VAV3: variants seen among roughly 807,000 people sequenced by gnomAD.
VAV3 encodes vav guanine nucleotide exchange factor 3, also known as guanine nucleotide exchange factor VAV3.
In VAV3, 94 loss-of-function variants were observed where a neutral mutation model predicts 131.2. The observed-to-expected ratio is 0.72, with a 90% CI of 0.61 to 0.85. VAV3 has a LOEUF of 0.85. Ranked by LOEUF, VAV3 falls within the 40% of genes least tolerant of loss-of-function variation. VAV3 has a pLI of 0.00. For missense variants in VAV3, 939 were observed against 1,002.7 expected, an observed-to-expected ratio of 0.94 and a Z score of 0.86; for synonymous variants, 349 against 342.0, an observed-to-expected ratio of 1.02 and a Z score of -0.22.
intron 12 of VAV3, among the ~76,000 whole-genome samples, chr1:107,753,478 G>A (rs1037455042): frequency 8.3e-5 from 7 of 84,634 alleles, no homozygotes; most frequent in African/African-American, 3.1e-4. Flanking sequence ...GTATGTATGT[G>A]TGTGTGTATA....
chr1:107,744,602 A>G (rs1372592424), intron 15 of VAV3, among the ~76,000 whole-genome samples: 1 of 152,206 alleles, frequency 6.6e-6, no homozygotes, highest in South Asian at 2.1e-4. Context: ...AAAAACAAAC[A>G]AACATTTTTT....
chr1:107,678,523 T>C (rs963015058), intron 19 of VAV3, among the ~76,000 whole-genome samples: 3 of 152,180 alleles, frequency 2.0e-5, no homozygotes, highest in Non-Finnish European at 4.4e-5. Context: ...ACTCTGTTGT[T>C]ATTTTTCTCA....
At chr1:107,935,246 A>T (rs936595473) in intron 1 of VAV3, among the ~76,000 whole-genome samples, 28 of 152,248 alleles carry the variant, frequency 1.8e-4, no homozygotes, top group Admixed American at 5.2e-4. Context: ...AAAGCAATTA[A>T]GCCAAATGTT....
intron 25 of VAV3, among the ~76,000 whole-genome samples, chr1:107,588,754 A>G (rs553986157): frequency 6.6e-6 from 1 of 152,346 alleles, no homozygotes; most frequent in South Asian, 2.1e-4. Context: ...GATTCCTGGA[A>G]TACTCCATTG....
At chr1:107,797,180 A>G (rs1666589540) in intron 2 of VAV3, among the ~76,000 whole-genome samples, 1 of 152,186 alleles carries the variant, frequency 6.6e-6, no homozygotes, top group Admixed American at 6.5e-5. Flanking sequence ...AAGCTATATA[A>G]ACTATATAGT....
intron 2 of VAV3, among the ~76,000 whole-genome samples, chr1:107,786,377 T>C (rs894122015): frequency 6.6e-6 from 1 of 152,202 alleles, no homozygotes; most frequent in Non-Finnish European, 1.5e-5. Flanking sequence ...TCAGATTTTC[T>C]GGGTTCAAAG....
chr1:107,794,583 T>C (rs187805770), intron 2 of VAV3, among the ~76,000 whole-genome samples: 1 of 152,338 alleles, frequency 6.6e-6, no homozygotes, highest in African/African-American at 2.4e-5. Flanking sequence ...GCAACTGTAG[T>C]TGAATTACAT....
At chr1:107,690,197 G>T (rs1463374331) in intron 17 of VAV3, among the ~76,000 whole-genome samples, 1 of 152,120 alleles carries the variant, frequency 6.6e-6, no homozygotes, top group Non-Finnish European at 1.5e-5. Flanking sequence ...TCCTTGCAAA[G>T]TAAGTCTTTT....
At chr1:107,848,379 G>C (rs976034841) in intron 2 of VAV3, among the ~76,000 whole-genome samples, 1 of 150,654 alleles carries the variant, frequency 6.6e-6, no homozygotes, top group Admixed American at 6.6e-5. Flanking sequence ...TGTCCATCAC[G>C]ATCAAGTCAG....
chr1:107,689,820 T>C (rs1200006236), intron 17 of VAV3, among the ~76,000 whole-genome samples: 1 of 152,230 alleles, frequency 6.6e-6, no homozygotes, highest in African/African-American at 2.4e-5. Context: ...GAAGAGGTTC[T>C]ATAAAAGTGC....
chr1:107,717,824 TA>T (rs1279525866), intron 15 of VAV3, among the ~76,000 whole-genome samples: 1 of 152,216 alleles, frequency 6.6e-6, no homozygotes, highest in Non-Finnish European at 1.5e-5. Context: ...ATCTGTCTAA[TA>T]TTGACAATGG....
chr1:107,621,292 T>G (rs1215217408), intron 20 of VAV3, among the ~76,000 whole-genome samples: 1 of 152,116 alleles, frequency 6.6e-6, no homozygotes. Context: ...TATTTTAACG[T>G]ATGAATAAAG....
At chr1:107,825,069 G>A (rs1273572318) in intron 2 of VAV3, among the ~76,000 whole-genome samples, 1 of 152,124 alleles carries the variant, frequency 6.6e-6, no homozygotes, top group Non-Finnish European at 1.5e-5. Flanking sequence ...ACAAAGCCAT[G>A]CTCACTCACT....
intron 20 of VAV3, among the ~76,000 whole-genome samples, chr1:107,623,876 T>G (rs1653791908): frequency 6.6e-6 from 1 of 152,192 alleles, no homozygotes. Flanking sequence ...ATCTCTGGCA[T>G]AGTTCTCTTG....
intron 13 of VAV3, among the ~76,000 whole-genome samples, chr1:107,750,854 T>G (rs1663676665): frequency 6.6e-6 from 1 of 152,216 alleles, no homozygotes; most frequent in Admixed American, 6.5e-5. Flanking sequence ...TTTATCGCTC[T>G]TCTCATTTTA....
At chr1:107,665,055 A>T (rs1005681222) in intron 19 of VAV3, among the ~76,000 whole-genome samples, 11 of 152,194 alleles carry the variant, frequency 7.2e-5, no homozygotes, top group African/African-American at 2.7e-4. Context: ...GGTTCTGAGT[A>T]TGCGCTGAAG....
chr1:107,615,024 TAGAG>T (rs1301062030), intron 21 of VAV3, among the ~76,000 whole-genome samples: 1 of 152,138 alleles, frequency 6.6e-6, no homozygotes, highest in Admixed American at 6.6e-5. Flanking sequence ...AAAAACTAGA[TAGAG>T]AATCATTTTA....
intron 10 of VAV3, among the ~76,000 whole-genome samples, chr1:107,757,576 C>T (rs1462725494): frequency 6.6e-6 from 1 of 152,116 alleles, no homozygotes; most frequent in South Asian, 2.1e-4. Context: ...TATCCACCAC[C>T]ATTACACTGA....
intron 15 of VAV3, among the ~76,000 whole-genome samples, chr1:107,728,268 A>G (rs533348492): frequency 4.1e-4 from 62 of 152,242 alleles, no homozygotes; most frequent in African/African-American, 1.5e-3. Context: ...ACTCACTAAC[A>G]CAAGATCTGT....
Sources: allele counts gnomAD v4.1 joint callset (sites outside exome capture counted in the v4.1 genomes callset), GRCh38; gene constraint gnomAD v4.1.1; transcripts MANE v1.5; gene names NCBI Gene and HGNC (gene_info 2026-07-23, HGNC 2026-07-21).